The following KHDRBS2 variants were observed in gnomAD, a reference collection of about 807,000 sequenced individuals.
KHDRBS2 encodes KH RNA binding domain containing, signal transduction associated 2.
A neutral mutation model predicts 44.3 loss-of-function variants in KHDRBS2; 26 were observed. That is an observed-to-expected ratio of 0.59 (90% confidence interval 0.43 to 0.81). The LOEUF is 0.81. Ranked by LOEUF, KHDRBS2 falls within the 40% of genes least tolerant of loss-of-function variation. The probability of loss-of-function intolerance (pLI) is 0.00; values close to 1 mark genes in which losing one functional copy is unlikely to be tolerated. For missense variants in KHDRBS2, 476 were observed against 433.1 expected (o/e 1.10, Z -0.88); for synonymous variants, 194 against 151.1 (o/e 1.28, Z -2.08).
chr6:61,607,021 C>G, the KHDRBS2 span, among the ~76,000 whole-genome samples: 1 of 151,910 alleles, frequency 6.6e-6, no homozygotes, highest in Admixed American at 6.6e-5. Flanking sequence ...TCAAATAAAA[C>G]ATAAGTCAAA....
At chr6:61,736,900 TTC>T (rs1491495979) in intron 6 of KHDRBS2, among the ~76,000 whole-genome samples, 2 of 152,124 alleles carry the variant, frequency 1.3e-5, no homozygotes, top group East Asian at 1.9e-4. Context: ...TTCTATAATT[TTC>T]TCTCTTTTTA....
At chr6:61,758,483 T>C (rs1186794776) in intron 6 of KHDRBS2, among the ~76,000 whole-genome samples, 1 of 151,974 alleles carries the variant, frequency 6.6e-6, no homozygotes, top group Admixed American at 6.6e-5. Flanking sequence ...TATACAGTAT[T>C]TTATATGCAT....
intron 4 of KHDRBS2, among the ~76,000 whole-genome samples, chr6:61,936,480 A>G (rs1026906102): frequency 2.6e-5 from 4 of 151,792 alleles, no homozygotes; most frequent in Non-Finnish European, 4.4e-5. Context: ...TGCTTTAACC[A>G]TACTCCTATA....
intron 2 of KHDRBS2, among the ~76,000 whole-genome samples, chr6:62,128,806 A>G (rs1340015166): frequency 2.0e-5 from 3 of 152,080 alleles, no homozygotes; most frequent in Admixed American, 6.6e-5. Context: ...TAAAAAATCA[A>G]CAAATTAAAA....
the KHDRBS2 span, among the ~76,000 whole-genome samples, chr6:61,619,511 A>T: frequency 6.6e-6 from 1 of 152,032 alleles, no homozygotes; most frequent in East Asian, 1.9e-4. Context: ...CTGGAGTGCA[A>T]TGGTGCAACC....
chr6:61,961,871 C>T (rs1226835713), intron 4 of KHDRBS2, among the ~76,000 whole-genome samples: 1 of 152,026 alleles, frequency 6.6e-6, no homozygotes, highest in Non-Finnish European at 1.5e-5. Context: ...AAGAACAGGA[C>T]TGACATGATC....
chr6:62,254,481 A>C (rs1239463338), intron 1 of KHDRBS2, among the ~76,000 whole-genome samples: 3 of 152,074 alleles, frequency 2.0e-5, no homozygotes, highest in Non-Finnish European at 4.4e-5. Context: ...TATACCATCC[A>C]CAGAAAACCA....
At chr6:61,845,720 C>T (rs1178232081) in intron 6 of KHDRBS2, among the ~76,000 whole-genome samples, 1 of 152,166 alleles carries the variant, frequency 6.6e-6, no homozygotes, top group Non-Finnish European at 1.5e-5. Flanking sequence ...TGGTGGTGAA[C>T]GTGGAGAGAA....
At chr6:62,096,212 C>A (rs1800568074) in intron 2 of KHDRBS2, among the ~76,000 whole-genome samples, 1 of 151,794 alleles carries the variant, frequency 6.6e-6, no homozygotes, top group African/African-American at 2.4e-5. Flanking sequence ...GAAACCAGGG[C>A]AAAGCTGGTC....
chr6:61,665,042 C>A, the KHDRBS2 span, among the ~76,000 whole-genome samples: 1 of 151,328 alleles, frequency 6.6e-6, no homozygotes, highest in Non-Finnish European at 1.5e-5. Context: ...ATAATTCATG[C>A]TCTAATTCAT....
chr6:61,680,687 G>T lies in KHDRBS2; in HGVS notation c.*276C>A. 3.9e-5 allele frequency: 9 copies of T among 229,450 alleles called. No individual in the cohort carries two copies. Among genetic ancestry groups the T allele is most frequent in the Non-Finnish European group, 5.9e-5 (7 of 119,012 alleles). The allele number at this position is 229,450 out of a possible 1,614,324, so 14.2% of individuals were successfully genotyped here. A position where few individuals can be genotyped will look rare whatever the true frequency, so the allele number is the denominator to read the frequency against. On this transcript the variant is annotated 3_prime_UTR_variant, in exon 9 of 9. Coordinates refer to ENST00000281156, the MANE Select transcript of KHDRBS2 (RefSeq NM_152688.4). ...AAAAAAAAAGATTACACACAACAAT[G>T]AAAAACAACCAAGAGAATATCATCC...
intron 1 of KHDRBS2, among the ~76,000 whole-genome samples, chr6:62,278,958 G>GT (rs1289096580): frequency 6.6e-5 from 10 of 152,116 alleles, no homozygotes; most frequent in African/African-American, 2.4e-4. Context: ...GCCAGGCGTG[G>GT]TGGCGGGTGC....
At chr6:62,242,052 C>G (rs1488857288) in intron 1 of KHDRBS2, among the ~76,000 whole-genome samples, 1 of 152,134 alleles carries the variant, frequency 6.6e-6, no homozygotes, top group Non-Finnish European at 1.5e-5. Flanking sequence ...TATCAAATGA[C>G]TTTACACACT....
intron 3 of KHDRBS2, among the ~76,000 whole-genome samples, chr6:62,016,537 G>T (rs1781236642): frequency 6.7e-6 from 1 of 148,940 alleles, no homozygotes; most frequent in South Asian, 2.1e-4. Context: ...TATACATTTA[G>T]ATGTATAAGT....
At position 62,059,217 on chromosome 6, in the gene KHDRBS2, T is replaced by G. The variant is rs1406936950; in HGVS notation, c.220-11223A>C. On this transcript the variant is annotated intron_variant, in intron 2 of 8. Transcript: ENST00000281156. ...TAGGAAGTTTTTTTTTTTTTTTTTT[T>G]TTTTTTTTTTTTTTTTTGTGCTGAG... is the stretch of plus-strand genomic sequence containing the variant. Among the ~76,000 whole-genome samples the G allele has an allele frequency of 1.2e-3, 154 of 128,648 alleles. 1 individual carries two copies. The highest frequency in any genetic ancestry group is 4.2e-3 in the African/African-American group (147 of 34,972). 84.4% of individuals were successfully genotyped at this position (128,648 alleles called of 152,430 possible).
At chr6:62,089,355 TGTG>T (rs1799060430) in intron 2 of KHDRBS2, among the ~76,000 whole-genome samples, 1 of 151,742 alleles carries the variant, frequency 6.6e-6, no homozygotes, top group Admixed American at 6.6e-5. Context: ...CGAGGGCCCT[TGTG>T]GTGCAGGCAC....
At chr6:61,785,591 G>C (rs1783679391) in intron 6 of KHDRBS2, among the ~76,000 whole-genome samples, 1 of 149,358 alleles carries the variant, frequency 6.7e-6, no homozygotes, top group Non-Finnish European at 1.5e-5. Context: ...AAAAATAACT[G>C]TCTATGGGAT....
chr6:61,581,325 C>T, the KHDRBS2 span, among the ~76,000 whole-genome samples: 2 of 152,042 alleles, frequency 1.3e-5, no homozygotes, highest in Admixed American at 6.6e-5. Flanking sequence ...TCAATATCTA[C>T]TAACAAACTT....
At chr6:61,785,637 G>A (rs1783695738) in intron 6 of KHDRBS2, among the ~76,000 whole-genome samples, 1 of 151,930 alleles carries the variant, frequency 6.6e-6, no homozygotes. Context: ...TAAATCATAT[G>A]TTCCAACCAC....
Sources: gnomAD v4.1 joint callset for allele counts (sites outside exome capture counted in the v4.1 genomes callset) on GRCh38, gnomAD v4.1.1 for gene constraint, MANE v1.5 for transcripts, NCBI Gene and HGNC (gene_info 2026-07-23, HGNC 2026-07-21) for gene names.